Variants in IL1RL2 observed in about 807,000 individuals in gnomAD.
The protein encoded by IL1RL2 is interleukin-1 receptor-like 2.
IL1RL2 carries 68 observed loss-of-function variants against 66.8 expected under a neutral mutation model. The observed-to-expected ratio is 1.02, with a 90% CI of 0.84 to 1.25. The LOEUF (loss-of-function observed/expected upper bound fraction) is 1.25, where lower values mean the gene tolerates loss of function less well. Ranked by LOEUF, IL1RL2 falls within the 50% of genes most tolerant of loss-of-function variation. The pLI, the probability that IL1RL2 is intolerant of heterozygous loss-of-function variation, is 0.00. For missense variants in IL1RL2, 729 were observed against 709.3 expected (o/e 1.03, Z -0.32); for synonymous variants, 305 against 264.6 (o/e 1.15, Z -1.48).
chr2:102,229,586 G>A (rs930312874), intron 9 of IL1RL2, among the ~76,000 whole-genome samples: 1 of 152,184 alleles, frequency 6.6e-6, no homozygotes, highest in African/African-American at 2.4e-5. Context: ...AAATGTTGAG[G>A]TGCCGTTGCC....
In IL1RL2 at chr2:102,239,370, C is replaced by A; in HGVS notation, c.*129C>A. ...TTCTAGACACCCAGTTGAGCTCAGG[C>A]GTAGAGAAGAGGAGGATGGGATAAG... On this transcript the variant is annotated 3_prime_UTR_variant, in exon 12 of 12. Transcript: ENST00000264257. The A allele has an allele frequency of 1.2e-6, 1 of 839,068 alleles. No individual in the cohort carries two copies. The highest frequency in any genetic ancestry group is 1.4e-5 in the South Asian group (1 of 71,470). The allele number at this position is 839,068 out of a possible 1,614,324, so 52.0% of individuals were successfully genotyped here.
intron 4 of IL1RL2, among the ~76,000 whole-genome samples, chr2:102,200,849 C>T (rs1688193405): frequency 6.6e-6 from 1 of 151,916 alleles, no homozygotes; most frequent in Admixed American, 6.6e-5. Context: ...GAGGTTGTTG[C>T]CTTGTCCATG....
In IL1RL2 at chr2:102,210,542, G is replaced by A. The variant is rs1295912750; in HGVS notation, c.650-1558G>A. Among the ~76,000 whole-genome samples the A allele has an allele frequency of 2.0e-5, 3 of 152,194 alleles. No homozygotes were observed. In the East Asian group the frequency reaches 5.8e-4, roughly 29 times the overall value. ...TAAGGCATGAAGGCACAGGTAACAT[G>A]ATGTCATTGAAGATGGAGAGATATG... On this transcript the variant is annotated intron_variant, in intron 5 of 11. Coordinates refer to ENST00000264257, the MANE Select transcript of IL1RL2 (RefSeq NM_003854.4).
intron 2 of IL1RL2, among the ~76,000 whole-genome samples, chr2:102,188,311 G>C (rs1198029445): frequency 6.6e-6 from 1 of 152,162 alleles, no homozygotes; most frequent in Non-Finnish European, 1.5e-5. Flanking sequence ...ATGGCCGGGC[G>C]CAGTGGCTCA....
At chr2:102,190,895 A>G (rs1197255855) in intron 3 of IL1RL2, among the ~76,000 whole-genome samples, 1 of 152,242 alleles carries the variant, frequency 6.6e-6, no homozygotes, top group Non-Finnish European at 1.5e-5. Context: ...ATGAAAGAAA[A>G]TGAACATGAA....
chr2:102,187,581 C>A (rs2241131), intron 1 of IL1RL2, among the ~76,000 whole-genome samples: 34,139 of 152,092 alleles, frequency 0.22, 4,500 homozygotes, highest in Non-Finnish European at 0.3. Flanking sequence ...AGCTCCCACG[C>A]GGTCCCCACC....
At chr2:102,221,838 T>A (rs576679253) in intron 8 of IL1RL2, among the ~76,000 whole-genome samples, 1 of 152,360 alleles carries the variant, frequency 6.6e-6, no homozygotes, top group East Asian at 1.9e-4. Context: ...TTTTCTTTTA[T>A]ACTTTTTTAT....
intron 6 of IL1RL2, among the ~76,000 whole-genome samples, chr2:102,214,653 T>C (rs1003583640): frequency 1.1e-4 from 17 of 152,220 alleles, no homozygotes; most frequent in Admixed American, 1.1e-3. Flanking sequence ...ATAATACCAA[T>C]TAAATTACCA....
intron 4 of IL1RL2, among the ~76,000 whole-genome samples, chr2:102,200,473 T>A (rs988143169): frequency 6.6e-6 from 1 of 152,196 alleles, no homozygotes; most frequent in African/African-American, 2.4e-5. Context: ...GGTAAATATT[T>A]ATTTAATTAG....
intron 7 of IL1RL2, 148 bp from the exon 8 acceptor site, chr2:102,219,733 T>C: frequency 1.4e-6 from 1 of 693,918 alleles, no homozygotes. Context: ...TCTACAAACC[T>C]CACTGGGCCA....
At chr2:102,220,585 C>A (rs187372388) in intron 8 of IL1RL2, among the ~76,000 whole-genome samples, 1 of 152,118 alleles carries the variant, frequency 6.6e-6, no homozygotes. Flanking sequence ...ACTTTAAATT[C>A]GTAACCTATC....
intron 7 of IL1RL2, among the ~76,000 whole-genome samples, chr2:102,219,587 T>A (rs1689917114): frequency 6.6e-6 from 1 of 152,144 alleles, no homozygotes; most frequent in African/African-American, 2.4e-5. Flanking sequence ...GTGTTGGGCC[T>A]CGCAGTATGG....
chr2:102,192,194 T>C, intron 4 of IL1RL2, 74 bp downstream of exon 4: 1 of 1,052,418 alleles, frequency 9.5e-7, no homozygotes. Context: ...GGTTAAGTTG[T>C]ATTTTTTAAG....
intron 4 of IL1RL2, among the ~76,000 whole-genome samples, chr2:102,200,116 GC>G (rs68121018): frequency 0.17 from 8,927 of 52,742 alleles, 377 homozygotes; most frequent in Middle Eastern, 0.31. Context: ...CCCTGTTCCA[GC>G]AAAAAAAAAA....
intron 4 of IL1RL2, among the ~76,000 whole-genome samples, chr2:102,196,215 G>C (rs1687771837): frequency 6.6e-6 from 1 of 152,150 alleles, no homozygotes; most frequent in South Asian, 2.1e-4. Flanking sequence ...CTGATGTTCA[G>C]CCTCACCTTC....
At chr2:102,225,557 T>C (rs934860682) in intron 8 of IL1RL2, among the ~76,000 whole-genome samples, 1 of 152,204 alleles carries the variant, frequency 6.6e-6, no homozygotes, top group Non-Finnish European at 1.5e-5. Context: ...GACAGTCTCA[T>C]GTTGACTCAG....
At chr2:102,218,642 G>A (rs1268976604) in intron 6 of IL1RL2, among the ~76,000 whole-genome samples, 2 of 152,156 alleles carry the variant, frequency 1.3e-5, no homozygotes, top group Non-Finnish European at 2.9e-5. Context: ...AGGATAAAAT[G>A]CATAAAATAC....
intron 8 of IL1RL2, among the ~76,000 whole-genome samples, chr2:102,224,906 G>GAA (rs552709278): frequency 2.0e-5 from 3 of 150,728 alleles, no homozygotes; most frequent in African/African-American, 7.3e-5. Flanking sequence ...TAGAGGCTCA[G>GAA]AAAAAAAAAC....
chr2:102,235,714 G>T (rs1674817326), intron 11 of IL1RL2: 1 of 985,312 alleles, frequency 1.0e-6, no homozygotes, highest in Admixed American at 6.1e-5. Context: ...GGTTGGCAAG[G>T]ATAGCAGTAT....
Sources: gnomAD v4.1 joint callset for allele counts (sites outside exome capture counted in the v4.1 genomes callset) on GRCh38, gnomAD v4.1.1 for gene constraint, MANE v1.5 for transcripts, NCBI Gene and HGNC (gene_info 2026-07-23, HGNC 2026-07-21) for gene names.